ACYP2: variants seen among roughly 807,000 people sequenced by gnomAD.
ACYP2 encodes acylphosphatase 2.
A neutral mutation model predicts 11.2 loss-of-function variants in ACYP2; 12 were observed. The ratio of observed to expected loss-of-function variants is 1.08; its 90% CI spans 0.69 to 1.74. The LOEUF (loss-of-function observed/expected upper bound fraction) is 1.74, where lower values mean the gene tolerates loss of function less well. ACYP2 is among the 40% of genes most tolerant of loss of function. ACYP2 has a pLI of 0.00. For missense variants in ACYP2, 134 were observed against 101.9 expected (o/e 1.31, Z -1.35); for synonymous variants, 43 against 32.2 (o/e 1.33, Z -1.13).
chr2:54,027,226 T>C (rs1336492522), intron 2 of ACYP2, among the ~76,000 whole-genome samples: 1 of 152,190 alleles, frequency 6.6e-6, no homozygotes, highest in East Asian at 1.9e-4. Flanking sequence ...GACCTTCTCT[T>C]GTGCCTTTCT....
intron 6 of ACYP2, among the ~76,000 whole-genome samples, chr2:54,276,943 A>G (rs926620597): frequency 6.6e-5 from 10 of 152,202 alleles, no homozygotes; most frequent in East Asian, 3.8e-4. Flanking sequence ...CCATATTACA[A>G]TCATCTTTAT....
chr2:54,210,736 T>TG lies in ACYP2; in HGVS notation c.404+71988_404+71989insG, dbSNP rs201408467. ...GGAAATTAGGCTCATTAAGTCTTTT[T>TG]TTTTCAGTAAAACTCTGCCAGTGAA... On this transcript the variant is annotated intron_variant, in intron 6 of 6. Coordinates refer to ENST00000607452, the MANE Select transcript of ACYP2 (RefSeq NM_001320586.2). Among the ~76,000 whole-genome samples the TG allele has an allele frequency of 5.2e-3, 794 of 152,088 alleles. 3 individuals are homozygous for TG. The highest frequency in any genetic ancestry group is 9.6e-3 in the Admixed American group (147 of 15,272).
chr2:54,114,665 CAA>C (rs1558537747), intron 4 of ACYP2, among the ~76,000 whole-genome samples: 1 of 152,114 alleles, frequency 6.6e-6, no homozygotes, highest in East Asian at 1.9e-4. Context: ...GTCTGGGAGA[CAA>C]GAGCGAAACT....
At chr2:54,192,129 T>C (rs1287958453) in intron 6 of ACYP2, among the ~76,000 whole-genome samples, 1 of 152,158 alleles carries the variant, frequency 6.6e-6, no homozygotes, top group Non-Finnish European at 1.5e-5. Flanking sequence ...GAAAAAAATT[T>C]AGGATACATA....
chr2:54,137,796 C>A (rs553904410), intron 5 of ACYP2, among the ~76,000 whole-genome samples: 1 of 152,094 alleles, frequency 6.6e-6, no homozygotes, highest in South Asian at 2.1e-4. Flanking sequence ...GGGTATATAC[C>A]CAATAATGGA....
intron 4 of ACYP2, among the ~76,000 whole-genome samples, chr2:54,109,848 A>AT (rs1325014962): frequency 1.3e-5 from 2 of 152,152 alleles, no homozygotes; most frequent in Non-Finnish European, 2.9e-5. Flanking sequence ...GATAAATGGT[A>AT]TATTTGTTGC....
rs892374419 is a variant in ACYP2, at chr2:54,101,278, CT to C, written c.278-34166del. ...GATGGATATTTGAGTACTTCCAATT[CT>C]TTTTTTTTACTGTAATAAACAACTT... On this transcript the variant is annotated intron_variant, in intron 4 of 6. Coordinates refer to ENST00000607452, the MANE Select transcript of ACYP2 (RefSeq NM_001320586.2). Among the ~76,000 whole-genome samples the C allele has an allele frequency of 5.3e-5, 8 of 151,712 alleles. No individual in the cohort carries two copies. In the East Asian group the frequency reaches 5.8e-4, roughly 11 times the overall value.
intron 6 of ACYP2, among the ~76,000 whole-genome samples, chr2:54,155,661 T>C (rs1421178322): frequency 6.6e-6 from 1 of 152,260 alleles, no homozygotes; most frequent in African/African-American, 2.4e-5. Context: ...GCTTCCTTCC[T>C]GTCTTCCACC....
chr2:53,993,350 G>A (rs568181707), intron 2 of ACYP2, among the ~76,000 whole-genome samples: 14 of 151,756 alleles, frequency 9.2e-5, no homozygotes, highest in Non-Finnish European at 1.9e-4. Context: ...AAGGAAGGAG[G>A]GACACTCCCA....
At chr2:54,218,777 C>T (rs922330866) in intron 6 of ACYP2, among the ~76,000 whole-genome samples, 3 of 152,104 alleles carry the variant, frequency 2.0e-5, no homozygotes, top group Non-Finnish European at 1.5e-5. Flanking sequence ...GAGGCTTTTC[C>T]ACCTCCAGGC....
chr2:54,267,311 G>C (rs1817557), intron 6 of ACYP2: 3 of 1,547,782 alleles, frequency 1.9e-6, no homozygotes, highest in East Asian at 2.4e-5. Context: ...CATCAGCTCC[G>C]GAAGCTGGGT....
At chr2:54,000,847 G>A (rs1369820493) in intron 2 of ACYP2, among the ~76,000 whole-genome samples, 1 of 152,172 alleles carries the variant, frequency 6.6e-6, no homozygotes, top group African/African-American at 2.4e-5. Flanking sequence ...GGATATGGAA[G>A]GGCAACCTTG....
At chr2:53,972,539 G>T (rs1016440546) in intron 1 of ACYP2, among the ~76,000 whole-genome samples, 2 of 152,178 alleles carry the variant, frequency 1.3e-5, no homozygotes. Flanking sequence ...TCCGGGAGAT[G>T]GAGCTTGCAG....
At chr2:54,241,139 T>TC (rs1686711769) in intron 6 of ACYP2, among the ~76,000 whole-genome samples, 1 of 152,154 alleles carries the variant, frequency 6.6e-6, no homozygotes, top group African/African-American at 2.4e-5. Flanking sequence ...CCCCACTCCC[T>TC]CCCCAAATGC....
chr2:54,075,949 A>G (rs898788964), intron 4 of ACYP2, among the ~76,000 whole-genome samples: 30 of 152,128 alleles, frequency 2.0e-4, no homozygotes, highest in Non-Finnish European at 4.3e-4. Context: ...TAATCTTTAT[A>G]TTTTATGAGT....
chr2:54,271,641 C>A (rs569307443), intron 6 of ACYP2, among the ~76,000 whole-genome samples: 23 of 152,076 alleles, frequency 1.5e-4, no homozygotes, highest in African/African-American at 5.3e-4. Context: ...TGAGTGATAA[C>A]CCCAGTCCTT....
At chr2:54,255,995 G>A (rs1558648083) in intron 6 of ACYP2, 3 of 1,614,118 alleles carry the variant, frequency 1.9e-6, no homozygotes, top group East Asian at 2.2e-5. Flanking sequence ...TCTGGAAGCC[G>A]GGGCGGTGGG....
At chr2:54,303,342 C>A (rs1689799654) in intron 6 of ACYP2, among the ~76,000 whole-genome samples, 1 of 152,082 alleles carries the variant, frequency 6.6e-6, no homozygotes, top group Non-Finnish European at 1.5e-5. Flanking sequence ...CAGAGTGAGA[C>A]CCTGTCTGCA....
intron 4 of ACYP2, among the ~76,000 whole-genome samples, chr2:54,060,133 G>A (rs1676386244): frequency 1.3e-5 from 2 of 151,868 alleles, no homozygotes; most frequent in South Asian, 4.2e-4. Flanking sequence ...TTTTCTTCTT[G>A]GATTTATTTG....
Sources: gnomAD v4.1 joint callset for allele counts (sites outside exome capture counted in the v4.1 genomes callset) on GRCh38, gnomAD v4.1.1 for gene constraint, MANE v1.5 for transcripts, NCBI Gene and HGNC (gene_info 2026-07-23, HGNC 2026-07-21) for gene names.